Variants in STXBP5L observed in about 807,000 individuals in gnomAD.
STXBP5L encodes the protein syntaxin-binding protein 5-like.
STXBP5L carries 65 observed loss-of-function variants against 144.5 expected under a neutral mutation model. The observed-to-expected ratio is 0.45, with a 90% CI of 0.37 to 0.55. The LOEUF (loss-of-function observed/expected upper bound fraction) is 0.55. STXBP5L is among the 20% of genes least tolerant of loss of function. The probability of loss-of-function intolerance (pLI) is 0.00; values close to 1 mark genes in which losing one functional copy is unlikely to be tolerated. For missense variants in STXBP5L, 1,298 were observed against 1,405.5 expected, an observed-to-expected ratio of 0.92 and a Z score of 1.22; for synonymous variants, 505 against 469.6, an observed-to-expected ratio of 1.08 and a Z score of -0.97.
At chr3:121,112,907 G>A (rs1276134274) in intron 5 of STXBP5L, among the ~76,000 whole-genome samples, 1 of 152,100 alleles carries the variant, frequency 6.6e-6, no homozygotes, top group Admixed American at 6.5e-5. Context: ...CAGCAGAAGT[G>A]TTAGTATATC....
chr3:121,383,117 AC>A (rs1297055111), intron 22 of STXBP5L, among the ~76,000 whole-genome samples: 2 of 152,010 alleles, frequency 1.3e-5, no homozygotes, highest in African/African-American at 4.8e-5. Context: ...CCCCATCACT[AC>A]CAAAAAATTT....
At chr3:121,102,668 A>C (rs1381498465) in intron 5 of STXBP5L, among the ~76,000 whole-genome samples, 1 of 152,170 alleles carries the variant, frequency 6.6e-6, no homozygotes, top group Non-Finnish European at 1.5e-5. Flanking sequence ...AGGTCTTCAA[A>C]AGCAATTACA....
intron 3 of STXBP5L, among the ~76,000 whole-genome samples, chr3:121,041,097 T>C (rs1229750638): frequency 2.6e-5 from 4 of 152,028 alleles, no homozygotes; most frequent in Non-Finnish European, 4.4e-5. Flanking sequence ...CTTCCTTTTT[T>C]TTCTCTCTCT....
chr3:120,996,858 T>C (rs1943389865), intron 3 of STXBP5L, among the ~76,000 whole-genome samples: 1 of 152,182 alleles, frequency 6.6e-6, no homozygotes, highest in Non-Finnish European at 1.5e-5. Flanking sequence ...GTTACATGGG[T>C]AAATTGCATG....
At chr3:121,359,052 T>C (rs1343248529) in intron 20 of STXBP5L, among the ~76,000 whole-genome samples, 1 of 152,172 alleles carries the variant, frequency 6.6e-6, no homozygotes, top group Non-Finnish European at 1.5e-5. Flanking sequence ...TTTGCAGTTT[T>C]GCTATTTCAT....
chr3:121,090,180 T>C (rs2042707661), intron 5 of STXBP5L, among the ~76,000 whole-genome samples: 1 of 152,166 alleles, frequency 6.6e-6, no homozygotes, highest in South Asian at 2.1e-4. Context: ...AGTTTTTATT[T>C]AAACCCCTTT....
intron 3 of STXBP5L, among the ~76,000 whole-genome samples, chr3:121,021,059 A>G (rs1945515450): frequency 6.6e-6 from 1 of 152,100 alleles, no homozygotes; most frequent in South Asian, 2.1e-4. Context: ...TAAACTTAAG[A>G]TAAAGGGGTG....
chr3:121,120,198 A>T (rs1001853768), intron 6 of STXBP5L, among the ~76,000 whole-genome samples: 11 of 151,352 alleles, frequency 7.3e-5, no homozygotes, highest in Non-Finnish European at 1.5e-4. Flanking sequence ...GTGTTAGTGC[A>T]ATCAAACCAA....
intron 19 of STXBP5L, among the ~76,000 whole-genome samples, chr3:121,317,972 G>T (rs1435924415): frequency 3.9e-5 from 6 of 151,994 alleles, no homozygotes; most frequent in Non-Finnish European, 5.9e-5. Flanking sequence ...ATTAGGTATT[G>T]TTAAAACCCC....
intron 5 of STXBP5L, among the ~76,000 whole-genome samples, chr3:121,097,844 T>A (rs1014484923): frequency 6.6e-6 from 1 of 152,224 alleles, no homozygotes; most frequent in African/African-American, 2.4e-5. Context: ...TGTGATCTAA[T>A]ACAATGGATG....
In STXBP5L at chr3:121,378,844, T is replaced by A; in HGVS notation, c.2305T>A (p.Ser769Thr). The change falls in exon 21 of 27, where the codon TCA becomes ACA. Residue 769 changes from serine (S) to threonine (T), a missense_variant. Coordinates refer to ENST00000471454, the MANE Select transcript of STXBP5L (RefSeq NM_001308330.2). ...PGRPPFRKAQ[S>T]AACMEISLPV... ...AAGACCACCATTTCGAAAGGCCCAG[T>A]CAGCAGCCTGCATGGAGATTTCTTT... 1 of 1,613,734 alleles carries A rather than the reference T, an allele frequency of 6.2e-7. No homozygotes were observed. The highest frequency in any genetic ancestry group is 8.5e-7 in the Non-Finnish European group (1 of 1,179,814).
chr3:121,171,982 T>C (rs1046142687), intron 9 of STXBP5L, among the ~76,000 whole-genome samples: 1 of 152,182 alleles, frequency 6.6e-6, no homozygotes, highest in African/African-American at 2.4e-5. Context: ...CCAAACAGCA[T>C]GGTAGTGGTA....
intron 5 of STXBP5L, among the ~76,000 whole-genome samples, chr3:121,065,725 A>G (rs1415870746): frequency 2.0e-5 from 3 of 152,144 alleles, no homozygotes; most frequent in Non-Finnish European, 4.4e-5. Context: ...CTTATTTGAG[A>G]ATTAAAAAAT....
Position 121,040,607 on chromosome 3 carries a change from G to T in STXBP5L, c.288-1093G>T, listed in dbSNP as rs921150676. ...TCTGCAAATCTCTAGAGCTCTTTTTGTGTGTCACATTTTCTTCTTTGCTAC... is the reference window on the plus strand; with the variant it reads ...TCTGCAAATCTCTAGAGCTCTTTTTTTGTGTCACATTTTCTTCTTTGCTAC... On this transcript the variant is annotated intron_variant, in intron 3 of 26. Coordinates refer to ENST00000471454, the MANE Select transcript of STXBP5L (RefSeq NM_001308330.2). 6.6e-5 allele frequency among the ~76,000 whole-genome samples: 10 copies of T among 151,924 alleles called. No individual in the cohort carries two copies. The East Asian group carries it at 1.9e-3, about 29-fold the overall frequency.
chr3:120,959,920 T>C (rs937159656), intron 3 of STXBP5L, among the ~76,000 whole-genome samples: 6 of 152,144 alleles, frequency 3.9e-5, no homozygotes, highest in African/African-American at 1.2e-4. Context: ...CTAATTAAAC[T>C]AAAGAGCTTC....
At chr3:121,128,707 T>G (rs1193017249) in intron 7 of STXBP5L, among the ~76,000 whole-genome samples, 1 of 151,994 alleles carries the variant, frequency 6.6e-6, no homozygotes, top group Non-Finnish European at 1.5e-5. Flanking sequence ...ACCATGATGT[T>G]TATAGGAGCA....
At chr3:121,242,540 G>A (rs932094535) in intron 14 of STXBP5L, among the ~76,000 whole-genome samples, 9 of 151,924 alleles carry the variant, frequency 5.9e-5, no homozygotes, top group East Asian at 3.9e-4. Context: ...CTACTGACAC[G>A]TCAAAATGGA....
intron 5 of STXBP5L, among the ~76,000 whole-genome samples, chr3:121,100,510 A>T (rs889181972): frequency 1.3e-5 from 2 of 152,196 alleles, no homozygotes; most frequent in African/African-American, 4.8e-5. Flanking sequence ...TAAACAATGA[A>T]ATTAAGGCAG....
chr3:121,015,828 G>A (rs2108170402), intron 3 of STXBP5L, among the ~76,000 whole-genome samples: 1 of 152,246 alleles, frequency 6.6e-6, no homozygotes, highest in East Asian at 1.9e-4. Context: ...TCATCAGATG[G>A]GGGCAAAAGG....
Sources: gnomAD v4.1 joint callset for allele counts (sites outside exome capture counted in the v4.1 genomes callset) on GRCh38, gnomAD v4.1.1 for gene constraint, MANE v1.5 for transcripts, NCBI Gene and HGNC (gene_info 2026-07-23, HGNC 2026-07-21) for gene names.